The following MSRA variants were observed in gnomAD, a reference collection of about 807,000 sequenced individuals.
MSRA encodes mitochondrial peptide methionine sulfoxide reductase.
Under a neutral mutation model 31.3 loss-of-function variants are expected in MSRA, and 54 were observed. The observed-to-expected ratio is 1.73, with a 90% CI of 1.39 to 2.17. The LOEUF (loss-of-function observed/expected upper bound fraction) is 2.17. Among genes scored for constraint, MSRA ranks in the 30% most tolerant of loss-of-function variants. The pLI is 0.00. For synonymous variants in MSRA, 169 were observed against 116.5 expected (o/e 1.45, Z -2.90); for missense variants, 507 against 300.9 (o/e 1.69, Z -5.07).
chr8:10,412,790 A>G (rs915080843), intron 5 of MSRA, among the ~76,000 whole-genome samples: 1 of 152,242 alleles, frequency 6.6e-6, no homozygotes, highest in Admixed American at 6.5e-5. Context: ...AGCAGTTAGA[A>G]TGAGCAAATC....
intron 3 of MSRA, among the ~76,000 whole-genome samples, chr8:10,293,465 G>A (rs556919752): frequency 3.9e-5 from 6 of 152,164 alleles, no homozygotes; most frequent in African/African-American, 4.8e-5. Flanking sequence ...ACTGCTTAGC[G>A]CCCACCAATG....
chr8:10,184,972 T>C (rs1417156850), intron 1 of MSRA, among the ~76,000 whole-genome samples: 2 of 152,218 alleles, frequency 1.3e-5, no homozygotes, highest in Non-Finnish European at 2.9e-5. Flanking sequence ...GAATAAACAG[T>C]TTGCATATGT....
intron 1 of MSRA, among the ~76,000 whole-genome samples, chr8:10,130,052 A>T (rs533014230): frequency 6.6e-6 from 1 of 152,168 alleles, no homozygotes; most frequent in Non-Finnish European, 1.5e-5. Flanking sequence ...ATAATTGGAG[A>T]CATGGGTGGG....
intron 5 of MSRA, among the ~76,000 whole-genome samples, chr8:10,357,557 C>T (rs1485755601): frequency 6.6e-6 from 1 of 152,158 alleles, no homozygotes; most frequent in Admixed American, 6.5e-5. Flanking sequence ...GCTCTGGGGT[C>T]CTTTTACCAT....
chr8:10,428,127 C>A, intron 5 of MSRA, 21 bp from the exon 6 acceptor site: 1 of 1,604,708 alleles, frequency 6.2e-7, no homozygotes, highest in Non-Finnish European at 8.5e-7. Flanking sequence ...GAGCTGATGG[C>A]GCCTTTCTGT....
At chr8:10,250,809 ATGAAACCAGTCAAGTTGTGGTTG>A in intron 3 of MSRA, 1 of 260,720 alleles carries the variant, frequency 3.8e-6, no homozygotes, top group East Asian at 7.7e-5. Flanking sequence ...ATGCTGCTTG[ATGAAACCAGTCAAGTTGTGGTTG>A]GATTCTTATA....
intron 5 of MSRA, among the ~76,000 whole-genome samples, chr8:10,354,750 GTATA>G (rs754778002): frequency 0.065 from 8,976 of 138,312 alleles, 298 homozygotes; most frequent in South Asian, 0.13. Context: ...GTGTGTGTGT[GTATA>G]TATATATATA....
Position 10,059,222 on chromosome 8 carries a change from T to G in MSRA, c.142+4564T>G, listed in dbSNP as rs1802565437. 3 of 152,196 alleles carry G rather than the reference T, an allele frequency of 2.0e-5. No individual in the cohort carries two copies. In the South Asian group the frequency reaches 6.2e-4, roughly 32 times the overall value. 9.4% of individuals were successfully genotyped at this position (152,196 alleles called of 1,614,324 possible). On this transcript the variant is annotated intron_variant, in intron 1 of 5. Coordinates refer to ENST00000317173, the MANE Select transcript of MSRA (RefSeq NM_012331.5). ...CGTAAGCCAGGATAAATTTCAGTGT[T>G]TGATGGAATAAATTCCAGATATATG...
intron 1 of MSRA, among the ~76,000 whole-genome samples, chr8:10,133,902 C>A: frequency 6.6e-6 from 1 of 152,122 alleles, no homozygotes; most frequent in East Asian, 1.9e-4. Context: ...ACAATCTCGG[C>A]TCACTGTGAC....
chr8:10,406,628 C>G (rs1408083943), intron 5 of MSRA, among the ~76,000 whole-genome samples: 2 of 152,242 alleles, frequency 1.3e-5, no homozygotes, highest in African/African-American at 2.4e-5. Context: ...CTGTTGCTCT[C>G]TTTTCCCTCC....
In MSRA at chr8:10,319,914, G is replaced by A. The variant is rs1278291533; in HGVS notation, c.468G>A (p.Gln156=). The A allele has an allele frequency of 1.9e-6, 3 of 1,596,216 alleles. No homozygotes were observed. Among genetic ancestry groups the A allele is most frequent in the Admixed American group, 1.7e-5 (1 of 57,624 alleles). ...GCCAGGGGAACGACCATGGCACTCAGTACCGCTCGGCCATCTACCCGACCT... is the reference window on the plus strand; with the variant it reads ...GCCAGGGGAACGACCATGGCACTCAATACCGCTCGGCCATCTACCCGACCT... ...GMRQGNDHGT[Q]YRSAIYPTSA... is the part of the protein sequence containing the mutation. Residue 156 remains glutamine (Q), a synonymous_variant, in exon 5 of 6, where the codon CAG becomes CAA. Transcript: ENST00000317173.
intron 3 of MSRA, among the ~76,000 whole-genome samples, chr8:10,247,270 A>T (rs9329218): frequency 0.14 from 21,377 of 152,036 alleles, 1,780 homozygotes; most frequent in East Asian, 0.38. Flanking sequence ...CTCAGAGAGG[A>T]TAAATAACTT....
At chr8:10,398,007 G>T (rs1807208348) in intron 5 of MSRA, among the ~76,000 whole-genome samples, 1 of 152,284 alleles carries the variant, frequency 6.6e-6, no homozygotes. Context: ...CATTGATTCA[G>T]CACAAGTAAA....
At chr8:10,228,075 A>C (rs1811154035) in intron 2 of MSRA, among the ~76,000 whole-genome samples, 1 of 152,148 alleles carries the variant, frequency 6.6e-6, no homozygotes. Flanking sequence ...CCAGGCCACC[A>C]AGATGGTGTC....
chr8:10,144,145 G>A (rs768203270), intron 1 of MSRA, among the ~76,000 whole-genome samples: 1 of 152,302 alleles, frequency 6.6e-6, no homozygotes, highest in East Asian at 1.9e-4. Flanking sequence ...AGGAAAGTCA[G>A]GTTAAAGGAA....
chr8:10,144,962 G>A (rs1803014119), intron 1 of MSRA, among the ~76,000 whole-genome samples: 1 of 151,224 alleles, frequency 6.6e-6, no homozygotes, highest in Non-Finnish European at 1.5e-5. Context: ...GGCTCGTTTT[G>A]GGGGAGGGGG....
intron 1 of MSRA, among the ~76,000 whole-genome samples, chr8:10,124,601 T>A (rs1801367081): frequency 6.6e-6 from 1 of 152,230 alleles, no homozygotes; most frequent in Non-Finnish European, 1.5e-5. Context: ...GAGACACCAG[T>A]CAGTAAATAG....
At chr8:10,116,731 G>T (rs1225708955) in intron 1 of MSRA, among the ~76,000 whole-genome samples, 4 of 152,170 alleles carry the variant, frequency 2.6e-5, no homozygotes, top group African/African-American at 4.8e-5. Context: ...ACTTTGGGAG[G>T]CTGAGGCAGG....
chr8:10,160,515 T>C (rs935925530), intron 1 of MSRA, among the ~76,000 whole-genome samples: 3 of 151,708 alleles, frequency 2.0e-5, no homozygotes, highest in African/African-American at 7.3e-5. Context: ...AAAATCTATA[T>C]AGATCTCTAT....
Sources: allele counts gnomAD v4.1 joint callset (sites outside exome capture counted in the v4.1 genomes callset), GRCh38; gene constraint gnomAD v4.1.1; transcripts MANE v1.5; gene names NCBI Gene and HGNC (gene_info 2026-07-23, HGNC 2026-07-21).